The following DCC variants were observed in gnomAD, a reference collection of about 807,000 sequenced individuals.
DCC encodes DCC netrin 1 receptor.
In DCC, 58 loss-of-function variants were observed where a neutral mutation model predicts 172.5. The ratio of observed to expected loss-of-function variants is 0.34; its 90% CI spans 0.27 to 0.42. DCC has a LOEUF of 0.42. Ranked by LOEUF, DCC falls within the 10% of genes least tolerant of loss-of-function variation. The probability of loss-of-function intolerance (pLI) is 1.00; values close to 1 mark genes in which losing one functional copy is unlikely to be tolerated. For missense variants in DCC, 1,740 were observed against 1,791.0 expected (o/e 0.97, Z 0.51); for synonymous variants, 709 against 644.5 (o/e 1.10, Z -1.52).
intron 9 of DCC, among the ~76,000 whole-genome samples, chr18:53,191,762 T>C (rs1333205151): frequency 1.5e-5 from 1 of 67,124 alleles, no homozygotes; most frequent in African/African-American, 4.4e-5. Context: ...TTACTCAGTG[T>C]TTACTCAGCA....
chr18:52,417,106 G>A (rs1987062769), intron 1 of DCC, among the ~76,000 whole-genome samples: 2 of 152,098 alleles, frequency 1.3e-5, no homozygotes, highest in Non-Finnish European at 2.9e-5. Flanking sequence ...TATCTGTAAA[G>A]TATTTTATTT....
At chr18:52,750,170 T>C (rs1754273399) in intron 1 of DCC, among the ~76,000 whole-genome samples, 1 of 152,232 alleles carries the variant, frequency 6.6e-6, no homozygotes. Flanking sequence ...CCAAACTAGA[T>C]GTTGAACTTA....
intron 27 of DCC, among the ~76,000 whole-genome samples, chr18:53,516,307 G>A (rs1265475611): frequency 6.7e-6 from 1 of 148,468 alleles, no homozygotes; most frequent in Non-Finnish European, 1.5e-5. Flanking sequence ...ATTCAAGATG[G>A]ATTAAAGACT....
At chr18:52,341,400 C>G (rs1451515752) in intron 1 of DCC, among the ~76,000 whole-genome samples, 1 of 152,126 alleles carries the variant, frequency 6.6e-6, no homozygotes, top group African/African-American at 2.4e-5. Context: ...AAAGGGACAG[C>G]TAATATGTTT....
At position 53,134,778 on chromosome 18, in the gene DCC, A is replaced by G. The variant is rs924710729; in HGVS notation, c.1262-22578A>G. Among the ~76,000 whole-genome samples, 13 of 152,302 alleles carry G rather than the reference A, an allele frequency of 8.5e-5. No homozygotes were observed. The Middle Eastern group carries it at 0.01, about 120-fold the overall frequency. ...CTTGTACCTAGAGGTTTTAAAAGAC[A>G]GACACATTAAACCTGTGGCTAGAGG... On this transcript the variant is annotated intron_variant, in intron 7 of 28. Coordinates refer to ENST00000442544, the MANE Select transcript of DCC (RefSeq NM_005215.4).
At chr18:52,460,240 T>G (rs1034571442) in intron 1 of DCC, among the ~76,000 whole-genome samples, 1 of 152,180 alleles carries the variant, frequency 6.6e-6, no homozygotes, top group South Asian at 2.1e-4. Flanking sequence ...TCAAATCATC[T>G]GTAGTCAGGC....
intron 12 of DCC, among the ~76,000 whole-genome samples, chr18:53,275,290 A>G (rs1371018832): frequency 6.6e-6 from 1 of 152,094 alleles, no homozygotes; most frequent in Non-Finnish European, 1.5e-5. Flanking sequence ...TACTAAGAAG[A>G]TAAAAATCAT....
chr18:52,873,615 G>A (rs2039357086), intron 2 of DCC, among the ~76,000 whole-genome samples: 1 of 152,192 alleles, frequency 6.6e-6, no homozygotes, highest in African/African-American at 2.4e-5. Flanking sequence ...AGAACGCTGT[G>A]ATTCACCAAG....
chr18:53,081,717 C>G (rs964708564), intron 7 of DCC, among the ~76,000 whole-genome samples: 1 of 152,060 alleles, frequency 6.6e-6, no homozygotes, highest in Admixed American at 6.6e-5. Context: ...CCCGCTTTTT[C>G]TATCTCGGGT....
At chr18:52,477,393 A>T (rs903088019) in intron 1 of DCC, among the ~76,000 whole-genome samples, 1 of 152,156 alleles carries the variant, frequency 6.6e-6, no homozygotes, top group African/African-American at 2.4e-5. Flanking sequence ...ATTCTTTCCC[A>T]TCTGAATTAC....
intron 22 of DCC, among the ~76,000 whole-genome samples, chr18:53,440,045 G>C (rs1218403502): frequency 6.6e-6 from 1 of 151,714 alleles, no homozygotes; most frequent in Non-Finnish European, 1.5e-5. Context: ...GATTACAGGC[G>C]TGAGCCACCG....
intron 2 of DCC, among the ~76,000 whole-genome samples, chr18:52,867,577 T>C (rs2039248166): frequency 6.6e-6 from 1 of 152,170 alleles, no homozygotes; most frequent in Non-Finnish European, 1.5e-5. Flanking sequence ...ATTTGTTTAT[T>C]CAGTGATTTG....
chr18:53,509,213 A>AG (rs1396800849), intron 27 of DCC, among the ~76,000 whole-genome samples: 2 of 152,254 alleles, frequency 1.3e-5, no homozygotes, highest in Non-Finnish European at 2.9e-5. Flanking sequence ...ATTGAAAGTG[A>AG]GAAAAAGAGG....
chr18:53,060,765 G>T (rs1476286614), intron 5 of DCC, among the ~76,000 whole-genome samples: 4 of 152,192 alleles, frequency 2.6e-5, no homozygotes, highest in Admixed American at 6.5e-5. Flanking sequence ...ACAGGAAAAT[G>T]AGTCCTACAA....
intron 16 of DCC, among the ~76,000 whole-genome samples, chr18:53,390,766 A>G (rs1349610939): frequency 1.3e-5 from 2 of 152,184 alleles, no homozygotes; most frequent in Non-Finnish European, 2.9e-5. Context: ...CCATTATATT[A>G]TGGATCAAAG....
chr18:52,576,342 G>A (rs2033410910), intron 1 of DCC, among the ~76,000 whole-genome samples: 1 of 152,166 alleles, frequency 6.6e-6, no homozygotes, highest in Non-Finnish European at 1.5e-5. Context: ...TGACTAGCGG[G>A]ATTAAGGACA....
At chr18:53,178,810 G>GA (rs1330937184) in intron 8 of DCC, 152 bp from the exon 9 acceptor site, 3 of 735,820 alleles carry the variant, frequency 4.1e-6, no homozygotes, top group African/African-American at 3.5e-5. Flanking sequence ...ATTTTCTATA[G>GA]AAAGTCTGAG....
intron 5 of DCC, among the ~76,000 whole-genome samples, chr18:53,019,174 G>A (rs2041846781): frequency 1.3e-5 from 2 of 152,122 alleles, no homozygotes; most frequent in African/African-American, 2.4e-5. Flanking sequence ...TTCAATAGCT[G>A]ACTTTAAAAA....
chr18:53,369,690 G>A lies in DCC; in HGVS notation c.2360-16353G>A, dbSNP rs562930801. On this transcript the variant is annotated intron_variant, in intron 15 of 28. Transcript: ENST00000442544. ...TGAGTATTTCTACTGAAAGGGTGTT[G>A]AATTTTGTCAAATGCTTTTTCTGCA... is the stretch of plus-strand genomic sequence containing the variant. Among the ~76,000 whole-genome samples the A allele has an allele frequency of 2.0e-5, 3 of 151,934 alleles. No homozygotes were observed. The East Asian group carries it at 5.8e-4, about 29-fold the overall frequency.
Sources: allele counts gnomAD v4.1 joint callset (sites outside exome capture counted in the v4.1 genomes callset), GRCh38; gene constraint gnomAD v4.1.1; transcripts MANE v1.5; gene names NCBI Gene and HGNC (gene_info 2026-07-23, HGNC 2026-07-21).